Variants in R3HDM2 observed in about 807,000 individuals in gnomAD.
The protein encoded by R3HDM2 is R3H domain-containing protein 2.
In R3HDM2, 38 loss-of-function variants were observed where a neutral mutation model predicts 124.5. The observed-to-expected ratio is 0.31, with a 90% CI of 0.24 to 0.40. The LOEUF (loss-of-function observed/expected upper bound fraction) is 0.40, where lower values mean the gene tolerates loss of function less well. Among genes scored for constraint, R3HDM2 ranks in the 10% least tolerant of loss-of-function variants. The pLI is 1.00. For missense variants in R3HDM2, 869 were observed against 1,236.9 expected (o/e 0.70, Z 4.46); for synonymous variants, 391 against 448.0 (o/e 0.87, Z 1.61).
intron 2 of R3HDM2, among the ~76,000 whole-genome samples, chr12:57,318,282 ACT>A (rs1322751690): frequency 6.6e-6 from 1 of 151,940 alleles, no homozygotes; most frequent in Non-Finnish European, 1.5e-5. Context: ...AAAAGGCAAG[ACT>A]CTGTCTCAAA....
intron 2 of R3HDM2, among the ~76,000 whole-genome samples, chr12:57,392,870 T>C (rs2066916824): frequency 6.6e-6 from 1 of 150,898 alleles, no homozygotes; most frequent in African/African-American, 2.4e-5. Context: ...AGTGGCACGA[T>C]TTTGGCTCAC....
chr12:57,327,776 G>A (rs1223726053), intron 2 of R3HDM2, among the ~76,000 whole-genome samples: 1 of 152,164 alleles, frequency 6.6e-6, no homozygotes, highest in Non-Finnish European at 1.5e-5. Flanking sequence ...TGACTGAATT[G>A]CTGCAATCTC....
At chr12:57,428,816 G>C (rs917437727) in intron 1 of R3HDM2, among the ~76,000 whole-genome samples, 69 of 150,106 alleles carry the variant, frequency 4.6e-4, no homozygotes, top group African/African-American at 1.6e-3. Flanking sequence ...GCACGATCTT[G>C]GCTTACTGCA....
At chr12:57,380,250 G>T (rs1214125855) in intron 2 of R3HDM2, among the ~76,000 whole-genome samples, 1 of 152,100 alleles carries the variant, frequency 6.6e-6, no homozygotes, top group South Asian at 2.1e-4. Context: ...AAAACATATT[G>T]TTTTTCAAAT....
At chr12:57,320,679 A>G (rs2056299219) in intron 2 of R3HDM2, among the ~76,000 whole-genome samples, 1 of 152,066 alleles carries the variant, frequency 6.6e-6, no homozygotes, top group African/African-American at 2.4e-5. Context: ...AGATTCACCT[A>G]TTTTTTTCAG....
intron 1 of R3HDM2, among the ~76,000 whole-genome samples, chr12:57,401,288 G>A (rs1409695260): frequency 6.6e-6 from 1 of 151,800 alleles, no homozygotes; most frequent in Non-Finnish European, 1.5e-5. Flanking sequence ...CGACCACCGA[G>A]CCCAGGCCTC....
At chr12:57,424,889 G>A (rs887547285) in intron 1 of R3HDM2, among the ~76,000 whole-genome samples, 8 of 152,104 alleles carry the variant, frequency 5.3e-5, no homozygotes, top group African/African-American at 1.9e-4. Context: ...TTTTAATAAC[G>A]GTGCACGTAA....
intron 2 of R3HDM2, among the ~76,000 whole-genome samples, chr12:57,355,229 G>A (rs575989924): frequency 1.5e-4 from 22 of 151,438 alleles, no homozygotes; most frequent in South Asian, 8.4e-4. Context: ...AGGCCGAGGC[G>A]GGCGGATCAC....
chr12:57,315,858 G>A (rs933442955), intron 2 of R3HDM2, among the ~76,000 whole-genome samples: 3 of 152,188 alleles, frequency 2.0e-5, no homozygotes, highest in Non-Finnish European at 2.9e-5. Flanking sequence ...GTTGGCTCAC[G>A]CCTACAGTCA....
chr12:57,391,725 CTT>C (rs1279248407), intron 2 of R3HDM2, among the ~76,000 whole-genome samples: 1 of 152,224 alleles, frequency 6.6e-6, no homozygotes, highest in Non-Finnish European at 1.5e-5. Flanking sequence ...TTCCTATACT[CTT>C]TTTGCAACTT....
In R3HDM2 at chr12:57,269,772, AC is replaced by A; in HGVS notation, c.1566del (p.Tyr523ThrfsTer54). ...PPTQQVLPPQ[G>X]YMQPPQQIQV... ...CTCACCTGTTGAGGGGGCTGCATGT[AC>A]CCCTGGGGTGGCAGAACTTGCTGAG... On this transcript the variant is annotated frameshift_variant, in exon 15 of 24. Transcript: ENST00000402412. LOFTEE classifies it high-confidence loss of function. 6.2e-7 allele frequency: 1 copy of A among 1,614,126 alleles called. No individual in the cohort carries two copies. Among genetic ancestry groups the A allele is most frequent in the Non-Finnish European group, 8.5e-7 (1 of 1,180,014 alleles).
intron 1 of R3HDM2, among the ~76,000 whole-genome samples, chr12:57,405,717 A>G (rs892461464): frequency 6.6e-6 from 1 of 152,210 alleles, no homozygotes; most frequent in Non-Finnish European, 1.5e-5. Flanking sequence ...TTTAAAAACA[A>G]ACAAAAAATA....
chr12:57,361,191 C>A (rs2061916338), intron 2 of R3HDM2, among the ~76,000 whole-genome samples: 2 of 150,964 alleles, frequency 1.3e-5, no homozygotes, highest in South Asian at 4.2e-4. Flanking sequence ...GCTTGACCAA[C>A]ACGGAGAAAC....
At chr12:57,365,591 C>A (rs562751488) in intron 2 of R3HDM2, among the ~76,000 whole-genome samples, 1 of 152,244 alleles carries the variant, frequency 6.6e-6, no homozygotes, top group Non-Finnish European at 1.5e-5. Flanking sequence ...GAACTCAAAA[C>A]AGAAAATCTC....
At chr12:57,375,856 TAG>T (rs1434584476) in intron 2 of R3HDM2, among the ~76,000 whole-genome samples, 1 of 152,056 alleles carries the variant, frequency 6.6e-6, no homozygotes, top group African/African-American at 2.4e-5. Context: ...GTATTTTTAG[TAG>T]AGACAGGGTT....
Position 57,286,603 on chromosome 12 carries a change from C to T in R3HDM2, c.938+2406G>A, listed in dbSNP as rs569180370. Among the ~76,000 whole-genome samples, 249 of 152,212 alleles carry T rather than the reference C, an allele frequency of 1.6e-3. 1 individual carries two copies. Among genetic ancestry groups the T allele is most frequent in the Admixed American group, 6.0e-3 (91 of 15,288 alleles). Reference sequence around the variant, plus strand: ...GTAGCTTAAAAGGTCTGGTGAGGGCCAGGCGCGGTGGCTCACGCCTGTAAT... The same window carrying T: ...GTAGCTTAAAAGGTCTGGTGAGGGCTAGGCGCGGTGGCTCACGCCTGTAAT... On this transcript the variant is annotated intron_variant, in intron 12 of 23. Coordinates refer to ENST00000402412, the MANE Select transcript of R3HDM2 (RefSeq NM_001394031.1).
Position 57,386,909 on chromosome 12 carries a change from T to C in R3HDM2, c.-36+8840A>G, listed in dbSNP as rs143806179. Among the ~76,000 whole-genome samples the C allele has an allele frequency of 8.2e-3, 1,251 of 152,154 alleles. 16 individuals are homozygous for C. Among genetic ancestry groups the C allele is most frequent in the African/African-American group, 0.028 (1,167 of 41,494 alleles). On this transcript the variant is annotated intron_variant, in intron 2 of 23. Coordinates refer to ENST00000402412, the MANE Select transcript of R3HDM2 (RefSeq NM_001394031.1). Reference sequence around the variant, plus strand: ...GTATCTAGTTAATCTGGTGGGGACTTGGAGAACCTTTATGTCTAGCTAAGG... The same window carrying C: ...GTATCTAGTTAATCTGGTGGGGACTCGGAGAACCTTTATGTCTAGCTAAGG...
chr12:57,392,545 G>A (rs577112040), intron 2 of R3HDM2, among the ~76,000 whole-genome samples: 1 of 152,218 alleles, frequency 6.6e-6, no homozygotes, highest in South Asian at 2.1e-4. Flanking sequence ...CAGGGACTGG[G>A]GAACCCTGAC....
At chr12:57,366,104 T>A (rs1305006816) in intron 2 of R3HDM2, among the ~76,000 whole-genome samples, 3 of 152,136 alleles carry the variant, frequency 2.0e-5, no homozygotes, top group Non-Finnish European at 4.4e-5. Flanking sequence ...ATTTTTAGAC[T>A]GCTTGATGTT....
Sources: gnomAD v4.1 joint callset for allele counts (sites outside exome capture counted in the v4.1 genomes callset) on GRCh38, gnomAD v4.1.1 for gene constraint, MANE v1.5 for transcripts, NCBI Gene and HGNC (gene_info 2026-07-23, HGNC 2026-07-21) for gene names.